The following RASSF5 variants were observed in gnomAD, a reference collection of about 807,000 sequenced individuals.
RASSF5 encodes the protein Ras association domain family member 5.
A neutral mutation model predicts 40.5 loss-of-function variants in RASSF5; 25 were observed. The ratio of observed to expected loss-of-function variants is 0.62; its 90% confidence interval spans 0.45 to 0.86. The LOEUF (loss-of-function observed/expected upper bound fraction) is 0.86, where lower values mean the gene tolerates loss of function less well. Among genes scored for constraint, RASSF5 ranks in the 40% least tolerant of loss-of-function variants. The pLI, the probability that RASSF5 is intolerant of heterozygous loss-of-function variation, is 0.00. For synonymous variants in RASSF5, 246 were observed against 252.4 expected (o/e 0.97, Z 0.24); for missense variants, 521 against 572.8 (o/e 0.91, Z 0.92).
intron 2 of RASSF5, chr1:206,542,872 A>G (rs879978589): frequency 6.6e-6 from 1 of 152,174 alleles, no homozygotes; most frequent in African/African-American, 2.4e-5. Context: ...ATTTCTTTTA[A>G]TATGTGTCTA....
chr1:206,527,932 G>T (rs1667138480), intron 1 of RASSF5, among the ~76,000 whole-genome samples: 1 of 152,104 alleles, frequency 6.6e-6, no homozygotes, highest in Non-Finnish European at 1.5e-5. Context: ...CCAGCTACAA[G>T]GCTGCCAAAG....
At chr1:206,556,981 A>C (rs933576157) in intron 2 of RASSF5, among the ~76,000 whole-genome samples, 18 of 81,224 alleles carry the variant, frequency 2.2e-4, no homozygotes, top group African/African-American at 6.7e-4. Context: ...AAGAAAGAAC[A>C]GAGGGAATGT....
At chr1:206,517,353 T>C (rs1226103694) in intron 1 of RASSF5, among the ~76,000 whole-genome samples, 1 of 152,106 alleles carries the variant, frequency 6.6e-6, no homozygotes, top group Non-Finnish European at 1.5e-5. Context: ...TGCCCACCTG[T>C]AGTCCCAGCT....
rs782747121 is a variant in RASSF5 at position 206,557,628 on chromosome 1, G to A, written c.579+19335G>A. On this transcript the variant is annotated intron_variant, in intron 2 of 5. Coordinates refer to ENST00000579436, the MANE Select transcript of RASSF5 (RefSeq NM_182663.4). ...GTACTGCAGCCTGGACGAGGAACTG[G>A]AAGACTGCTTCTTCACTGCTAAGAC... The A allele has an allele frequency of 2.4e-5, 38 of 1,614,148 alleles. 1 individual carries two copies. Among genetic ancestry groups the A allele is most frequent in the Middle Eastern group, 3.3e-4 (2 of 6,084 alleles).
chr1:206,529,578 G>A lies in RASSF5; in HGVS notation c.458-8594G>A, dbSNP rs187494488. 4,820 of 800,216 alleles carry A rather than the reference G, an allele frequency of 6.0e-3. 71 individuals are homozygous for A. The highest frequency in any genetic ancestry group is 8.2e-3 in the Non-Finnish European group (3,690 of 452,330). The allele number at this position is 800,216 out of a possible 1,614,324, so 49.6% of individuals were successfully genotyped here. On this transcript the variant is annotated intron_variant, in intron 1 of 5. Transcript: ENST00000579436. The stretch of plus-strand genomic sequence containing the variant: ...TAAGCTGGTGGAAGCTATCAGGACC[G>A]ATTACAATGACAGATACAATGACAT...
intron 2 of RASSF5, among the ~76,000 whole-genome samples, chr1:206,561,663 CTTTTTTT>C (rs61094454): frequency 3.5e-4 from 41 of 118,008 alleles, no homozygotes; most frequent in Admixed American, 3.0e-3. Flanking sequence ...TTTTCTTTTT[CTTTTTTT>C]TTTTTTTTTT....
At chr1:206,580,158 T>C (rs1308321601) in intron 2 of RASSF5, among the ~76,000 whole-genome samples, 1 of 152,120 alleles carries the variant, frequency 6.6e-6, no homozygotes, top group African/African-American at 2.4e-5. Flanking sequence ...AGGGGAGAGA[T>C]AGATGGGTCT....
chr1:206,544,581 A>G (rs967976437), intron 2 of RASSF5: 1 of 152,234 alleles, frequency 6.6e-6, no homozygotes, highest in African/African-American at 2.4e-5. Flanking sequence ...CCAAGTCACT[A>G]TTCCACCCTG....
chr1:206,513,851 G>T lies in RASSF5; in HGVS notation c.457+5792G>T, dbSNP rs1553395030. Among the ~76,000 whole-genome samples the T allele has an allele frequency of 6.6e-6, 1 of 152,222 alleles. No individual in the cohort carries two copies. The highest frequency in any genetic ancestry group is 2.4e-5 in the African/African-American group (1 of 41,454). Reference sequence around the variant, plus strand: ...CAGGCAGAAGGCTGGGTTCCCTGGGGGCACTGGTTTAAGTGGAATAAAGTC... The same window carrying T: ...CAGGCAGAAGGCTGGGTTCCCTGGGTGCACTGGTTTAAGTGGAATAAAGTC... On this transcript the variant is annotated intron_variant, in intron 1 of 5. Transcript: ENST00000579436. This position sits in a 1 kb window ranked among gnomAD's most constrained non-coding sequence, Gnocchi z 5.0.
rs956959487 is a variant in RASSF5, at chr1:206,588,846, C to T, written c.*1868C>T. On this transcript the variant is annotated 3_prime_UTR_variant, in exon 6 of 6. Transcript: ENST00000579436. ...AGGTGGAGAGTCATTTTCCTTCGTCCTGCATGTCTCTAACATTAATAGAAG... is the reference window on the plus strand; with the variant it reads ...AGGTGGAGAGTCATTTTCCTTCGTCTTGCATGTCTCTAACATTAATAGAAG... 1.3e-5 allele frequency: 2 copies of T among 152,698 alleles called. No homozygotes were observed. Among genetic ancestry groups the T allele is most frequent in the East Asian group, 3.7e-4 (2 of 5,336 alleles). The allele number at this position is 152,698 out of a possible 1,614,324, so 9.5% of individuals were successfully genotyped here.
chr1:206,552,589 A>C lies in RASSF5; in HGVS notation c.579+14296A>C, dbSNP rs1667870082. 6.6e-6 allele frequency among the ~76,000 whole-genome samples: 1 copy of C among 152,084 alleles called. No homozygotes were observed. On this transcript the variant is annotated intron_variant, in intron 2 of 5. Transcript: ENST00000579436. This position sits in a 1 kb window ranked among gnomAD's most constrained non-coding sequence, Gnocchi z 4.1. ...AAGGGTCTTGAAGGACCTGCTCAAG[A>C]GTTTGGAATAGGTGGCGGGAGTCGG...
chr1:206,511,853 G>C (rs1271480996), intron 1 of RASSF5, among the ~76,000 whole-genome samples: 1 of 152,174 alleles, frequency 6.6e-6, no homozygotes, highest in Non-Finnish European at 1.5e-5. Flanking sequence ...AACCGCCTGC[G>C]TGACAGCCCC....
intron 2 of RASSF5, among the ~76,000 whole-genome samples, chr1:206,540,753 G>T (rs891528389): frequency 4.6e-5 from 7 of 152,108 alleles, no homozygotes; most frequent in African/African-American, 1.4e-4. Context: ...TGACATCATC[G>T]ACCTGGGCTG....
rs1669145549 is a variant in RASSF5 at position 206,587,021 on chromosome 1, G to A, written c.*43G>A. ...CCTCCTGGTGCATTCAGATTTATTTGTATTATTAATTATTATTTTGCAACA... is the reference window on the plus strand; with the variant it reads ...CCTCCTGGTGCATTCAGATTTATTTATATTATTAATTATTATTTTGCAACA... On this transcript the variant is annotated 3_prime_UTR_variant, in exon 6 of 6. Coordinates refer to ENST00000579436, the MANE Select transcript of RASSF5 (RefSeq NM_182663.4). The A allele has an allele frequency of 6.2e-7, 1 of 1,609,328 alleles. No homozygotes were observed. The highest frequency in any genetic ancestry group is 8.5e-7 in the Non-Finnish European group (1 of 1,177,446).
intron 2 of RASSF5, among the ~76,000 whole-genome samples, chr1:206,574,084 G>T (rs1553404704): frequency 6.6e-6 from 1 of 152,242 alleles, no homozygotes; most frequent in African/African-American, 2.4e-5. Context: ...GGCTCTGCAG[G>T]GGCTTGAACT....
Position 206,584,449 on chromosome 1 carries a change from G to C in RASSF5, c.753G>C (p.Thr251=), listed in dbSNP as rs140334800. ...KVHLKLRRPV[T]VPAGIRPQSI... The stretch of plus-strand genomic sequence containing the variant: ...ATCTGAAACTCCGGCGGCCTGTGAC[G>C]GTGCCTGCTGGGATCCGGCCCCAGT... The change falls in exon 4 of 6, where the codon ACG becomes ACC. Residue 251 remains threonine, a synonymous_variant. Transcript: ENST00000579436. The surrounding 1 kb of genome is among the most constrained non-coding windows in gnomAD (Gnocchi z 4.9). The C allele has an allele frequency of 1.2e-6, 2 of 1,614,020 alleles. No homozygotes were observed. Among genetic ancestry groups the C allele is most frequent in the African/African-American group, 2.7e-5 (2 of 74,906 alleles).
rs1669247909 is a variant in RASSF5, at chr1:206,588,957, A to AAAG, written c.*1980_*1982dup. On this transcript the variant is annotated 3_prime_UTR_variant, in exon 6 of 6. Coordinates refer to ENST00000579436, the MANE Select transcript of RASSF5 (RefSeq NM_182663.4). ...TATTTTATTTTTGAGAAGGAAAAAA[A>AAAG]AAGTCATGTATATATACACATAAAG... The AAAG allele has an allele frequency of 6.5e-6, 1 of 152,774 alleles. No individual in the cohort carries two copies. The highest frequency in any genetic ancestry group is 1.5e-5 in the Non-Finnish European group (1 of 68,038). The allele number at this position is 152,774 out of a possible 1,614,324, so 9.5% of individuals were successfully genotyped here.
chr1:206,529,609 G>C lies in RASSF5; in HGVS notation c.458-8563G>C, dbSNP rs556655721. 4 of 772,044 alleles carry C rather than the reference G, an allele frequency of 5.2e-6. No homozygotes were observed. In the South Asian group the frequency reaches 5.4e-5, roughly 10 times the overall value. 47.8% of individuals were successfully genotyped at this position (772,044 alleles called of 1,614,324 possible). On this transcript the variant is annotated intron_variant, in intron 1 of 5. Transcript: ENST00000579436. ...AATGACAGATACAATGACATCCACT[G>C]TCACTGGGGCGGCAATGTCCTGGGT...
At chr1:206,514,185 G>C (rs1428214801) in intron 1 of RASSF5, among the ~76,000 whole-genome samples, 22 of 152,266 alleles carry the variant, frequency 1.4e-4, no homozygotes, top group Non-Finnish European at 1.5e-5. Context: ...AGAGGAAGGA[G>C]GAAGGGCAGT....
Sources: allele counts gnomAD v4.1 joint callset (sites outside exome capture counted in the v4.1 genomes callset), GRCh38; gene constraint gnomAD v4.1.1; non-coding constraint Gnocchi (gnomAD v3.1); transcripts MANE v1.5; gene names NCBI Gene and HGNC (gene_info 2026-07-23, HGNC 2026-07-21).